The following FBXO36 variants were observed in gnomAD, a reference collection of about 807,000 sequenced individuals.
The protein encoded by FBXO36 is F-box protein 36, also known as F-box only protein 36.
A neutral mutation model predicts 17.0 loss-of-function variants in FBXO36; 18 were observed. That is an observed-to-expected ratio of 1.06 (90% CI 0.73 to 1.57). The LOEUF (loss-of-function observed/expected upper bound fraction) is 1.57. Ranked by LOEUF, FBXO36 falls within the 40% of genes most tolerant of loss-of-function variation. FBXO36 has a pLI of 0.00. For missense variants in FBXO36, 229 were observed against 221.9 expected (o/e 1.03, Z -0.20); for synonymous variants, 83 against 85.3 (o/e 0.97, Z 0.15).
intron 3 of FBXO36, among the ~76,000 whole-genome samples, chr2:229,997,276 C>T (rs1345401887): frequency 1.3e-5 from 2 of 151,286 alleles, no homozygotes; most frequent in Non-Finnish European, 2.9e-5. Context: ...GGTTAGGGGG[C>T]ATTCCAAGTC....
intron 2 of FBXO36, among the ~76,000 whole-genome samples, chr2:229,991,587 A>C (rs971576435): frequency 4.6e-5 from 7 of 152,314 alleles, no homozygotes; most frequent in Admixed American, 2.0e-4. Flanking sequence ...TTGCTGGTTG[A>C]GGGTCCAAAG....
At chr2:229,951,638 T>C (rs2077058527) in intron 1 of FBXO36, among the ~76,000 whole-genome samples, 2 of 152,222 alleles carry the variant, frequency 1.3e-5, no homozygotes, top group Admixed American at 1.3e-4. Flanking sequence ...GGAAAATCGA[T>C]CTGCTTTGGG....
chr2:230,004,277 G>A (rs1282158465), intron 3 of FBXO36, among the ~76,000 whole-genome samples: 1 of 152,172 alleles, frequency 6.6e-6, no homozygotes, highest in Non-Finnish European at 1.5e-5. Context: ...AAGCTCAAGG[G>A]CAAGGATTGT....
At chr2:230,003,554 A>C (rs1331573603) in intron 3 of FBXO36, among the ~76,000 whole-genome samples, 3 of 149,302 alleles carry the variant, frequency 2.0e-5, no homozygotes, top group Non-Finnish European at 4.4e-5. Flanking sequence ...TTTTTTTGAC[A>C]CGGAGTCTTG....
chr2:229,978,440 T>C (rs1442201121), intron 2 of FBXO36, among the ~76,000 whole-genome samples: 3 of 151,332 alleles, frequency 2.0e-5, no homozygotes, highest in Non-Finnish European at 2.9e-5. Flanking sequence ...AAAAATTAGC[T>C]GGGCATGATG....
chr2:229,952,676 A>T (rs1309638034), intron 1 of FBXO36, among the ~76,000 whole-genome samples: 2 of 152,072 alleles, frequency 1.3e-5, no homozygotes, highest in African/African-American at 4.8e-5. Context: ...ACAGGTTAAG[A>T]CACCCTCCCA....
chr2:229,949,538 T>TACACACACACACACACACACAC (rs56048655), intron 1 of FBXO36, among the ~76,000 whole-genome samples: 1 of 149,426 alleles, frequency 6.7e-6, no homozygotes, highest in African/African-American at 2.5e-5. Flanking sequence ...GTAAAATGTA[T>TACACACACACACACACACACAC]ACACACACAC....
intron 1 of FBXO36, among the ~76,000 whole-genome samples, chr2:229,973,765 G>A (rs938116774): frequency 2.7e-5 from 4 of 150,878 alleles, no homozygotes; most frequent in Non-Finnish European, 4.4e-5. Context: ...TTGTCTATTC[G>A]GCTGGGCACA....
intron 1 of FBXO36, among the ~76,000 whole-genome samples, chr2:229,925,473 G>A (rs1442219313): frequency 6.6e-6 from 1 of 152,042 alleles, no homozygotes; most frequent in African/African-American, 2.4e-5. Flanking sequence ...ATTAAAATAT[G>A]TTTTATAAGA....
intron 1 of FBXO36, among the ~76,000 whole-genome samples, chr2:229,948,404 T>C (rs72991296): frequency 6.6e-6 from 1 of 151,598 alleles, no homozygotes; most frequent in Non-Finnish European, 1.5e-5. Flanking sequence ...TCCCAAGGAG[T>C]GTAAATTAGT....
At chr2:230,007,875 C>T (rs1247361643) in intron 3 of FBXO36, among the ~76,000 whole-genome samples, 2 of 152,060 alleles carry the variant, frequency 1.3e-5, no homozygotes, top group African/African-American at 4.8e-5. Flanking sequence ...ATTACAGGAG[C>T]CTGCCACCAC....
At chr2:229,999,974 TGG>T (rs2077349545) in intron 3 of FBXO36, among the ~76,000 whole-genome samples, 1 of 152,074 alleles carries the variant, frequency 6.6e-6, no homozygotes, top group Admixed American at 6.6e-5. Flanking sequence ...TACCTAAAAA[TGG>T]AAAGCTGAAA....
chr2:229,998,432 G>C (rs962475664), intron 3 of FBXO36, among the ~76,000 whole-genome samples: 2 of 152,170 alleles, frequency 1.3e-5, no homozygotes, highest in African/African-American at 4.8e-5. Flanking sequence ...AGACCAGCCT[G>C]ACCAGCATGG....
intron 2 of FBXO36, among the ~76,000 whole-genome samples, chr2:229,994,201 A>C (rs2077313098): frequency 1.3e-5 from 2 of 152,174 alleles, no homozygotes; most frequent in African/African-American, 4.8e-5. Context: ...GCTTTAAATA[A>C]GCACTGCTTT....
At chr2:229,952,765 A>T (rs960294676) in intron 1 of FBXO36, among the ~76,000 whole-genome samples, 1 of 152,140 alleles carries the variant, frequency 6.6e-6, no homozygotes, top group Admixed American at 6.6e-5. Flanking sequence ...TGTTGCCAAG[A>T]GGGTACCAGG....
At chr2:229,983,114 G>A (rs373277055) in intron 2 of FBXO36, among the ~76,000 whole-genome samples, 5 of 152,036 alleles carry the variant, frequency 3.3e-5, no homozygotes, top group African/African-American at 4.8e-5. Flanking sequence ...GGTGGCTCAT[G>A]CGTGTAATCC....
chr2:229,964,983 G>A (rs1199655332), intron 1 of FBXO36, among the ~76,000 whole-genome samples: 2 of 152,092 alleles, frequency 1.3e-5, no homozygotes, highest in Non-Finnish European at 2.9e-5. Context: ...TTTTTCCATG[G>A]AATAAGTTTT....
At chr2:229,924,316 C>CTCCTGA (rs2076891676) in intron 1 of FBXO36, among the ~76,000 whole-genome samples, 2 of 151,922 alleles carry the variant, frequency 1.3e-5, no homozygotes, top group African/African-American at 4.8e-5. Flanking sequence ...TGGTCTCCAA[C>CTCCTGA]TCCTGACCTC....
intron 2 of FBXO36, among the ~76,000 whole-genome samples, chr2:229,994,222 T>G (rs377185930): frequency 1.3e-4 from 20 of 152,326 alleles, no homozygotes; most frequent in Admixed American, 4.6e-4. Context: ...TTCTTCTTCT[T>G]CTGCTGGTGG....
Sources: gnomAD v4.1 joint callset for allele counts (sites outside exome capture counted in the v4.1 genomes callset) on GRCh38, gnomAD v4.1.1 for gene constraint, MANE v1.5 for transcripts, NCBI Gene and HGNC (gene_info 2026-07-23, HGNC 2026-07-21) for gene names.